The following DMXL2 variants were observed in gnomAD, a reference collection of about 807,000 sequenced individuals.
DMXL2 encodes the protein Dmx like 2, also known as dmX-like protein 2.
DMXL2 carries 103 observed loss-of-function variants against 331.1 expected under a neutral mutation model. The observed-to-expected ratio is 0.31, with a 90% CI of 0.27 to 0.37. DMXL2 has a LOEUF of 0.37. Among genes scored for constraint, DMXL2 ranks in the 10% least tolerant of loss-of-function variants. The probability of loss-of-function intolerance (pLI) is 1.00; values close to 1 mark genes in which losing one functional copy is unlikely to be tolerated. For missense variants in DMXL2, 3,171 were observed against 3,642.9 expected, an observed-to-expected ratio of 0.87 and a Z score of 3.33; for synonymous variants, 1,281 against 1,252.1, an observed-to-expected ratio of 1.02 and a Z score of -0.49.
chr15:51,470,444 A>G (rs1240084816), intron 29 of DMXL2, among the ~76,000 whole-genome samples: 1 of 152,132 alleles, frequency 6.6e-6, no homozygotes, highest in Non-Finnish European at 1.5e-5. Flanking sequence ...GAGTCTTTAG[A>G]TAACAAAACA....
At chr15:51,606,928 G>A (rs2053627604) in intron 1 of DMXL2, among the ~76,000 whole-genome samples, 1 of 152,132 alleles carries the variant, frequency 6.6e-6, no homozygotes, top group South Asian at 2.1e-4. Flanking sequence ...GGAGGCCAAG[G>A]TGGGCAGATC....
intron 19 of DMXL2, among the ~76,000 whole-genome samples, chr15:51,492,944 T>C (rs933311449): frequency 5.3e-5 from 8 of 152,332 alleles, no homozygotes; most frequent in Middle Eastern, 3.4e-3. Context: ...TTCACTGTAA[T>C]TTCTTTAGAA....
chr15:51,617,688 G>C (rs1368624678), intron 1 of DMXL2, among the ~76,000 whole-genome samples: 1 of 152,124 alleles, frequency 6.6e-6, no homozygotes, highest in South Asian at 2.1e-4. Context: ...TTTCATTCGT[G>C]GTCTAAATAC....
At position 51,622,574 on chromosome 15, in the gene DMXL2, C is replaced by G; in HGVS notation, c.-29G>C. The G allele has an allele frequency of 6.5e-7, 1 of 1,539,154 alleles. No homozygotes were observed. The highest frequency in any genetic ancestry group is 8.8e-7 in the Non-Finnish European group (1 of 1,140,116). ...CGGAGCCCGGGCTGGACAGAATGCG[C>G]GGGAGGTGCGACAAGCTCCGCGCCT... On this transcript the variant is annotated 5_prime_UTR_variant, in exon 1 of 44. Coordinates refer to ENST00000560891, the MANE Select transcript of DMXL2 (RefSeq NM_001378457.1).
intron 12 of DMXL2, 112 bp from the exon 13 acceptor site, chr15:51,535,896 G>C: frequency 8.0e-7 from 1 of 1,251,906 alleles, no homozygotes; most frequent in Non-Finnish European, 1.1e-6. Context: ...CCATGGTCTA[G>C]AATCATAATT....
chr15:51,520,840 G>C (rs1216794311), intron 13 of DMXL2, among the ~76,000 whole-genome samples: 3 of 152,114 alleles, frequency 2.0e-5, no homozygotes, highest in African/African-American at 7.2e-5. Context: ...CTGGATGACA[G>C]AGCAAGATTC....
chr15:51,455,998 T>A, intron 39 of DMXL2, 68 bp downstream of exon 39: 1 of 1,572,116 alleles, frequency 6.4e-7, no homozygotes, highest in Non-Finnish European at 8.7e-7. Context: ...CGATGCACTT[T>A]TATCACTTAC....
At chr15:51,470,865 C>G (rs775960309) in intron 29 of DMXL2, among the ~76,000 whole-genome samples, 42 of 152,090 alleles carry the variant, frequency 2.8e-4, no homozygotes, top group African/African-American at 9.9e-4. Context: ...CCATCCATCT[C>G]CTTCTATTCT....
chr15:51,550,750 C>T (rs893010394), intron 6 of DMXL2, among the ~76,000 whole-genome samples: 3 of 151,980 alleles, frequency 2.0e-5, no homozygotes, highest in Non-Finnish European at 4.4e-5. Flanking sequence ...AGTAAGCGAA[C>T]CAGAGAAAAC....
intron 8 of DMXL2, among the ~76,000 whole-genome samples, chr15:51,543,084 A>G (rs1311154958): frequency 1.3e-5 from 2 of 152,150 alleles, no homozygotes; most frequent in South Asian, 4.2e-4. Context: ...TGCAATTTGG[A>G]TATGTTTAAA....
At chr15:51,601,034 G>C (rs776677095) in intron 1 of DMXL2, among the ~76,000 whole-genome samples, 1 of 152,158 alleles carries the variant, frequency 6.6e-6, no homozygotes, top group African/African-American at 2.4e-5. Flanking sequence ...GCTTATGCCT[G>C]TAATCCCAGC....
At chr15:51,534,971 T>G (rs1461551535) in intron 13 of DMXL2, among the ~76,000 whole-genome samples, 4 of 152,172 alleles carry the variant, frequency 2.6e-5, no homozygotes, top group Non-Finnish European at 4.4e-5. Flanking sequence ...CTTAAACTGC[T>G]ACTTAACTTT....
At chr15:51,484,121 C>T (rs147714017) in intron 23 of DMXL2, among the ~76,000 whole-genome samples, 5 of 152,194 alleles carry the variant, frequency 3.3e-5, no homozygotes, top group Non-Finnish European at 5.9e-5. Context: ...GCCATGCAAT[C>T]GTGTCATGGG....
rs143160332 is a variant in DMXL2, at chr15:51,518,199, G to A, written c.2437-1032C>T. Among the ~76,000 whole-genome samples the A allele has an allele frequency of 4.6e-5, 7 of 152,248 alleles. No homozygotes were observed. The East Asian group carries it at 1.4e-3, about 29-fold the overall frequency. On this transcript the variant is annotated intron_variant, in intron 13 of 43. Coordinates refer to ENST00000560891, the MANE Select transcript of DMXL2 (RefSeq NM_001378457.1). ...AATATAAAAATTAGTGGGGAGTGAT[G>A]GAGGGTGCCTGTAATCTCAGCTATT...
intron 15 of DMXL2, among the ~76,000 whole-genome samples, chr15:51,513,476 A>G (rs1187504197): frequency 5.3e-5 from 8 of 152,226 alleles, no homozygotes; most frequent in Admixed American, 1.3e-4. Flanking sequence ...AAGATATACG[A>G]AAGAAAAACA....
chr15:51,456,518 G>A, intron 37 of DMXL2, 149 bp from the exon 38 acceptor site: 1 of 587,978 alleles, frequency 1.7e-6, no homozygotes, highest in Non-Finnish European at 3.0e-6. Context: ...CCACTACATA[G>A]AACACTTGTC....
At chr15:51,529,080 T>C (rs1321455082) in intron 13 of DMXL2, among the ~76,000 whole-genome samples, 1 of 152,006 alleles carries the variant, frequency 6.6e-6, no homozygotes, top group Non-Finnish European at 1.5e-5. Flanking sequence ...AAACATGACA[T>C]ACCAAAATCT....
intron 43 of DMXL2, among the ~76,000 whole-genome samples, chr15:51,449,601 C>T (rs75161170): frequency 6.6e-6 from 1 of 152,178 alleles, no homozygotes; most frequent in Non-Finnish European, 1.5e-5. Flanking sequence ...ACGCATTCAG[C>T]ACGCTCCTTG....
At chr15:51,556,838 T>C (rs2049626572) in intron 6 of DMXL2, among the ~76,000 whole-genome samples, 1 of 152,144 alleles carries the variant, frequency 6.6e-6, no homozygotes, top group Non-Finnish European at 1.5e-5. Context: ...TCTATATCGT[T>C]TGTGGTTTAG....
Sources: gnomAD v4.1 joint callset for allele counts (sites outside exome capture counted in the v4.1 genomes callset) on GRCh38, gnomAD v4.1.1 for gene constraint, MANE v1.5 for transcripts, NCBI Gene and HGNC (gene_info 2026-07-23, HGNC 2026-07-21) for gene names.